The following HIBCH variants were observed in gnomAD, a reference collection of about 807,000 sequenced individuals.
HIBCH encodes 3-hydroxyisobutyryl-CoA hydrolase, mitochondrial.
A neutral mutation model predicts 58.2 loss-of-function variants in HIBCH; 50 were observed. The ratio of observed to expected loss-of-function variants is 0.86; its 90% CI spans 0.68 to 1.09. The LOEUF (loss-of-function observed/expected upper bound fraction) is 1.09, where lower values mean the gene tolerates loss of function less well. HIBCH is among the 50% of genes least tolerant of loss of function. The probability of loss-of-function intolerance (pLI) is 0.00; values close to 1 mark genes in which losing one functional copy is unlikely to be tolerated. For synonymous variants in HIBCH, 151 were observed against 146.9 expected, an observed-to-expected ratio of 1.03 and a Z score of -0.20; for missense variants, 450 against 449.7, an observed-to-expected ratio of 1.00 and a Z score of -0.01.
chr2:190,233,383 G>C (rs945699488), intron 11 of HIBCH, among the ~76,000 whole-genome samples: 1 of 152,112 alleles, frequency 6.6e-6, no homozygotes, highest in East Asian at 1.9e-4. Context: ...AAAGGTAATT[G>C]AATCACATGG....
In HIBCH at chr2:190,214,783, T is replaced by A. The variant is rs1259179456; in HGVS notation, c.892-1708A>T. 3.3e-5 allele frequency: 5 copies of A among 151,998 alleles called. No homozygotes were observed. Among genetic ancestry groups the A allele is most frequent in the African/African-American group, 1.2e-4 (5 of 41,328 alleles). The allele number at this position is 151,998 out of a possible 1,614,324, so 9.4% of individuals were successfully genotyped here. A position where few individuals can be genotyped will look rare whatever the true frequency, so the allele number is the denominator to read the frequency against. ...CACGCTTGCCCCTCCCCCAAACATC[T>A]CACAAGGTAGAGGACAGGGAGATCG... is the stretch of plus-strand genomic sequence containing the variant. On this transcript the variant is annotated intron_variant, in intron 11 of 13. Transcript: ENST00000359678. The surrounding 1 kb of genome is among the most constrained non-coding windows in gnomAD (Gnocchi z 5.5).
intron 7 of HIBCH, among the ~76,000 whole-genome samples, chr2:190,259,905 G>A (rs1020757304): frequency 1.3e-5 from 2 of 152,096 alleles, no homozygotes; most frequent in African/African-American, 4.8e-5. Context: ...ATGAGAGCAG[G>A]CATCATTGTC....
At chr2:190,190,491 T>C (rs1297006371) in intron 1 of HIBCH, among the ~76,000 whole-genome samples, 1 of 152,238 alleles carries the variant, frequency 6.6e-6, no homozygotes. Flanking sequence ...CTTTGACTAT[T>C]GTGAATAAAG....
chr2:190,306,721 C>G lies in HIBCH; in HGVS notation c.78+4033G>C, dbSNP rs1688417878. On this transcript the variant is annotated intron_variant, in intron 2 of 13. Transcript: ENST00000359678. The surrounding 1 kb of genome is among the most constrained non-coding windows in gnomAD (Gnocchi z 4.6). ...CTAACTATTAGCTTGTATAGTACTACAGACTGAATGCTTGCATCCTTCCAA... is the reference window on the plus strand; with the variant it reads ...CTAACTATTAGCTTGTATAGTACTAGAGACTGAATGCTTGCATCCTTCCAA... Among the ~76,000 whole-genome samples, 1 of 152,208 alleles carries G rather than the reference C, an allele frequency of 6.6e-6. No homozygotes were observed. The highest frequency in any genetic ancestry group is 1.5e-5 in the Non-Finnish European group (1 of 68,026).
intron 7 of HIBCH, among the ~76,000 whole-genome samples, chr2:190,256,533 T>A (rs1337960358): frequency 6.7e-6 from 1 of 148,300 alleles, no homozygotes; most frequent in Admixed American, 6.7e-5. Flanking sequence ...TCAGAAGAAA[T>A]CTCAAAAATA....
rs1239497067 is a variant in HIBCH, at chr2:190,207,776, G to A, written c.1045+1104C>T. 2.6e-5 allele frequency among the ~76,000 whole-genome samples: 4 copies of A among 152,144 alleles called. No individual in the cohort carries two copies. The highest frequency in any genetic ancestry group is 9.7e-5 in the African/African-American group (4 of 41,426). ...TGGGCTGGTAGTCCCAGCTACTCAG[G>A]AGGCTGAGGTAGGCAAATCACTTGA... On this transcript the variant is annotated intron_variant, in intron 13 of 13. Transcript: ENST00000359678. This position sits in a 1 kb window ranked among gnomAD's most constrained non-coding sequence, Gnocchi z 4.5.
intron 1 of HIBCH, among the ~76,000 whole-genome samples, chr2:190,191,104 A>C (rs1689689198): frequency 6.6e-6 from 1 of 152,144 alleles, no homozygotes; most frequent in Admixed American, 6.5e-5. Context: ...AACTTTTGGC[A>C]ATTATAAAGC....
Position 190,306,284 on chromosome 2 carries a change from G to A in HIBCH, c.78+4470C>T, listed in dbSNP as rs766498440. On this transcript the variant is annotated intron_variant, in intron 2 of 13. Transcript: ENST00000359678. The surrounding 1 kb of genome is among the most constrained non-coding windows in gnomAD (Gnocchi z 4.6). ...AAATTTCTCTGTACCTTACTGCTGG[G>A]TGTGCTATGAATAGGTATGCCATGA... Among the ~76,000 whole-genome samples, 4 of 152,090 alleles carry A rather than the reference G, an allele frequency of 2.6e-5. No individual in the cohort carries two copies. Among genetic ancestry groups the A allele is most frequent in the Non-Finnish European group, 5.9e-5 (4 of 68,012 alleles).
At chr2:190,318,429 G>T (rs949799654) in intron 1 of HIBCH, among the ~76,000 whole-genome samples, 1 of 152,120 alleles carries the variant, frequency 6.6e-6, no homozygotes, top group Non-Finnish European at 1.5e-5. Context: ...AACACTTTCC[G>T]TGGCACCCTA....
Position 190,236,222 on chromosome 2 carries a change from T to C in HIBCH, c.891+8665A>G, listed in dbSNP as rs113664791. Among the ~76,000 whole-genome samples the C allele has an allele frequency of 2.0e-5, 3 of 152,290 alleles. No homozygotes were observed. Among genetic ancestry groups the C allele is most frequent in the South Asian group, 2.1e-4 (1 of 4,826 alleles). On this transcript the variant is annotated intron_variant, in intron 11 of 13. Coordinates refer to ENST00000359678, the MANE Select transcript of HIBCH (RefSeq NM_014362.4). This position sits in a 1 kb window ranked among gnomAD's most constrained non-coding sequence, Gnocchi z 4.1. ...GTGTTGTGTTGTTGTAAGGCTTAAA[T>C]GGGAAATATCTCTTGGCATTTGTCC...
downstream of HIBCH, chr2:190,201,128 G>A (rs942040022): frequency 1.8e-5 from 3 of 166,924 alleles, no homozygotes; most frequent in Admixed American, 1.3e-4. Flanking sequence ...GAGAGTACTC[G>A]TTTTCTGGGT....
rs982645672 is a variant in HIBCH at position 190,306,352 on chromosome 2, T to C, written c.78+4402A>G. Among the ~76,000 whole-genome samples the C allele has an allele frequency of 1.3e-5, 2 of 152,108 alleles. No individual in the cohort carries two copies. The highest frequency in any genetic ancestry group is 1.9e-4 in the East Asian group (1 of 5,192). ...CTCCTTGCCTGGGTCATTTTCAAGG[T>C]AGCCACCATGAAGAAAAAGGTCTTT... On this transcript the variant is annotated intron_variant, in intron 2 of 13. Transcript: ENST00000359678. The surrounding 1 kb of genome is among the most constrained non-coding windows in gnomAD (Gnocchi z 4.6).
rs1168465259 is a variant in HIBCH at position 190,211,847 on chromosome 2, G to A, written c.1011+1109C>T. 6.6e-6 allele frequency among the ~76,000 whole-genome samples: 1 copy of A among 152,298 alleles called. No homozygotes were observed. The highest frequency in any genetic ancestry group is 2.4e-5 in the African/African-American group (1 of 41,558). On this transcript the variant is annotated intron_variant, in intron 12 of 13. Coordinates refer to ENST00000359678, the MANE Select transcript of HIBCH (RefSeq NM_014362.4). This position sits in a 1 kb window ranked among gnomAD's most constrained non-coding sequence, Gnocchi z 5.0. The stretch of plus-strand genomic sequence containing the variant: ...GGCTAACACTGAGCACAGTGCCTGG[G>A]ACATAGCTAACATATTTGCTGAGAG...
chr2:190,223,887 C>A (rs926764140), intron 11 of HIBCH, among the ~76,000 whole-genome samples: 1 of 152,230 alleles, frequency 6.6e-6, no homozygotes, highest in African/African-American at 2.4e-5. Context: ...TGAGGTACCA[C>A]GTTCATCTCA....
intron 1 of HIBCH, among the ~76,000 whole-genome samples, chr2:190,194,518 A>G (rs139736224): frequency 7.4e-5 from 11 of 148,520 alleles, no homozygotes; most frequent in South Asian, 2.1e-4. Context: ...ACACACACAC[A>G]CGCAGCATCT....
At chr2:190,189,830 G>A (rs941913266) in exon 2 of HIBCH, 7 of 152,162 alleles carry the variant, frequency 4.6e-5, no homozygotes, top group Admixed American at 4.6e-4. Flanking sequence ...CCCTTGAACT[G>A]GCAACTGGAA....
intron 11 of HIBCH, among the ~76,000 whole-genome samples, chr2:190,242,438 A>G (rs1002048919): frequency 2.0e-5 from 3 of 151,956 alleles, no homozygotes; most frequent in Non-Finnish European, 4.4e-5. Context: ...CGTCAAACTC[A>G]TTTCCGTCCA....
chr2:190,301,881 A>T (rs555426964), intron 2 of HIBCH, among the ~76,000 whole-genome samples: 1 of 152,262 alleles, frequency 6.6e-6, no homozygotes, highest in South Asian at 2.1e-4. Context: ...AAGAGTACTA[A>T]TCCTGTGACA....
intron 6 of HIBCH, among the ~76,000 whole-genome samples, chr2:190,269,905 T>C (rs1164029118): frequency 6.6e-6 from 1 of 151,702 alleles, no homozygotes; most frequent in East Asian, 1.9e-4. Context: ...AAAAAAACAA[T>C]GAGTTCATGT....
Sources: gnomAD v4.1 joint callset for allele counts (sites outside exome capture counted in the v4.1 genomes callset) on GRCh38, gnomAD v4.1.1 for gene constraint, Gnocchi (gnomAD v3.1) non-coding constraint, MANE v1.5 for transcripts, NCBI Gene and HGNC (gene_info 2026-07-23, HGNC 2026-07-21) for gene names.